The following USO1 variants were observed in gnomAD, a reference collection of about 807,000 sequenced individuals.
USO1 encodes the protein general vesicular transport factor p115.
Under a neutral mutation model 124.5 loss-of-function variants are expected in USO1, and 57 were observed. The ratio of observed to expected loss-of-function variants is 0.46; its 90% CI spans 0.37 to 0.57. The LOEUF (loss-of-function observed/expected upper bound fraction) is 0.57, where lower values mean the gene tolerates loss of function less well. USO1 is among the 20% of genes least tolerant of loss of function. USO1 has a pLI of 0.00. For missense variants in USO1, 900 were observed against 1,040.6 expected, an observed-to-expected ratio of 0.86 and a Z score of 1.86; for synonymous variants, 369 against 362.8, an observed-to-expected ratio of 1.02 and a Z score of -0.19.
intron 1 of USO1, among the ~76,000 whole-genome samples, chr4:75,731,718 A>T (rs923409449): frequency 5.3e-5 from 8 of 152,314 alleles, no homozygotes; most frequent in Admixed American, 3.3e-4. Context: ...TCAAGGTAAG[A>T]TTATATCATA....
At chr4:75,726,186 C>T (rs980809994) in intron 1 of USO1, among the ~76,000 whole-genome samples, 3 of 148,390 alleles carry the variant, frequency 2.0e-5, no homozygotes, top group Non-Finnish European at 4.4e-5. Flanking sequence ...AAGGCTGAGG[C>T]AGGAGAATCG....
intron 7 of USO1, among the ~76,000 whole-genome samples, chr4:75,773,208 GAC>G (rs1183530494): frequency 1.3e-5 from 2 of 152,088 alleles, no homozygotes; most frequent in African/African-American, 4.8e-5. Context: ...ATTTGAGACA[GAC>G]AAATAAGTGT....
At position 75,800,322 on chromosome 4, in the gene USO1, A is replaced by G. The variant is rs536311131; in HGVS notation, c.1564-29A>G. 3.6e-5 allele frequency: 55 copies of G among 1,548,052 alleles called. 1 individual carries two copies. Among genetic ancestry groups the G allele is most frequent in the Middle Eastern group, 1.7e-4 (1 of 5,910 alleles). Reference sequence around the variant, plus strand: ...TTGCAAAATGTACTAGATATTTTCAATCCTTAGCCTCCTTAACAAAGATTT... The same window carrying G: ...TTGCAAAATGTACTAGATATTTTCAGTCCTTAGCCTCCTTAACAAAGATTT... On this transcript the variant is annotated intron_variant, in intron 14 of 23. Transcript: ENST00000514213.
At chr4:75,748,347 C>T (rs752888588) in intron 1 of USO1, among the ~76,000 whole-genome samples, 12 of 151,458 alleles carry the variant, frequency 7.9e-5, no homozygotes, top group Non-Finnish European at 1.6e-4. Flanking sequence ...CATGACCATG[C>T]CTGGCTAATT....
intron 4 of USO1, among the ~76,000 whole-genome samples, chr4:75,767,968 C>T (rs1264195964): frequency 6.6e-6 from 1 of 152,112 alleles, no homozygotes; most frequent in Non-Finnish European, 1.5e-5. Flanking sequence ...CCTTCTAATA[C>T]AAGAACACAG....
intron 22 of USO1, among the ~76,000 whole-genome samples, chr4:75,811,752 T>C (rs1476335309): frequency 6.6e-6 from 1 of 152,232 alleles, no homozygotes; most frequent in Non-Finnish European, 1.5e-5. Context: ...CATTTAATTG[T>C]ATGCTTGAAG....
intron 3 of USO1, among the ~76,000 whole-genome samples, chr4:75,753,059 A>C (rs1411154071): frequency 6.6e-6 from 1 of 152,176 alleles, no homozygotes; most frequent in Non-Finnish European, 1.5e-5. Flanking sequence ...TTTGGTATTC[A>C]GACTTGCTTT....
rs1723221311 is a variant in USO1 at position 75,813,961 on chromosome 4, G to C, written c.*666G>C. 6.6e-6 allele frequency: 1 copy of C among 152,148 alleles called. No individual in the cohort carries two copies. The highest frequency in any genetic ancestry group is 1.5e-5 in the Non-Finnish European group (1 of 68,024). 9.4% of individuals were successfully genotyped at this position (152,148 alleles called of 1,614,324 possible). A position where few individuals can be genotyped will look rare whatever the true frequency, so the allele number is the denominator to read the frequency against. On this transcript the variant is annotated 3_prime_UTR_variant, in exon 24 of 24. Coordinates refer to ENST00000514213, the MANE Select transcript of USO1 (RefSeq NM_003715.4). ...TTGCAACAGTGTATTAATGTGATTG[G>C]TTTTCTTTTTGTTTTAAGCTAAACA...
intron 4 of USO1, among the ~76,000 whole-genome samples, chr4:75,762,923 G>A (rs1022204013): frequency 2.6e-5 from 4 of 152,140 alleles, no homozygotes; most frequent in Admixed American, 2.0e-4. Context: ...GCGAGACTCC[G>A]TCTCAAAACA....
intron 4 of USO1, among the ~76,000 whole-genome samples, chr4:75,768,218 G>A (rs188726978): frequency 6.6e-6 from 1 of 152,196 alleles, no homozygotes; most frequent in East Asian, 1.9e-4. Context: ...TTCTCACTAT[G>A]TTGCCCAGGC....
rs768418974 is a variant in USO1 at position 75,724,774 on chromosome 4, C to CA, written c.-46_-45insA. 2.8e-5 allele frequency: 44 copies of CA among 1,582,464 alleles called. No homozygotes were observed. The highest frequency in any genetic ancestry group is 4.0e-5 in the African/African-American group (3 of 74,148). On this transcript the variant is annotated 5_prime_UTR_variant, in exon 1 of 24. Transcript: ENST00000514213. ...TGCGGAGGGCGGGGGAAGTTGTCTT[C>CA]TTTTTTTTCCGGAGGGGCCGGTAAA...
chr4:75,771,238 C>G, intron 7 of USO1, 101 bp downstream of exon 7: 1 of 1,322,258 alleles, frequency 7.6e-7, no homozygotes, highest in Non-Finnish European at 1.0e-6. Context: ...ATTTAGAAAG[C>G]TGGAGTAATG....
chr4:75,774,667 T>A lies in USO1; in HGVS notation c.556-9T>A, dbSNP rs1560449353. ...GTACTCCACTAAACATTCTCTTTCT[T>A]CTCTATAGGGCGTCTTACTACTGCA... On this transcript the variant is annotated splice_polypyrimidine_tract_variant and intron_variant, in intron 7 of 23. Coordinates refer to ENST00000514213, the MANE Select transcript of USO1 (RefSeq NM_003715.4). 6.3e-7 allele frequency: 1 copy of A among 1,595,336 alleles called. No individual in the cohort carries two copies. Among genetic ancestry groups the A allele is most frequent in the Non-Finnish European group, 8.5e-7 (1 of 1,173,748 alleles).
chr4:75,759,832 C>G (rs1414319193), intron 4 of USO1, among the ~76,000 whole-genome samples: 1 of 151,754 alleles, frequency 6.6e-6, no homozygotes. Flanking sequence ...TCACTTGAAC[C>G]TGGGAGGCAG....
chr4:75,760,324 A>C (rs776219344), intron 4 of USO1, among the ~76,000 whole-genome samples: 35 of 152,258 alleles, frequency 2.3e-4, no homozygotes, highest in Non-Finnish European at 4.7e-4. Flanking sequence ...CTTAGCTGAC[A>C]CAATGAACTA....
At chr4:75,726,567 C>CAA (rs34164088) in intron 1 of USO1, among the ~76,000 whole-genome samples, 2,193 of 143,068 alleles carry the variant, frequency 0.015, 16 homozygotes, top group African/African-American at 0.022. Context: ...GACTCCATCT[C>CAA]AAAAAAAAAA....
intron 4 of USO1, among the ~76,000 whole-genome samples, chr4:75,765,024 T>G (rs1721728408): frequency 6.6e-6 from 1 of 152,226 alleles, no homozygotes; most frequent in Non-Finnish European, 1.5e-5. Context: ...CATTCTCTGC[T>G]ATCTTCACAC....
At chr4:75,783,916 T>C (rs1268695321) in intron 9 of USO1, among the ~76,000 whole-genome samples, 2 of 152,264 alleles carry the variant, frequency 1.3e-5, no homozygotes, top group Non-Finnish European at 2.9e-5. Flanking sequence ...CATTTCTGTT[T>C]TCAAATGTTG....
chr4:75,809,010 C>G lies in USO1; in HGVS notation c.2434C>G (p.Gln812Glu). The G allele has an allele frequency of 6.2e-7, 1 of 1,604,978 alleles. No homozygotes were observed. Among genetic ancestry groups the G allele is most frequent in the Non-Finnish European group, 8.5e-7 (1 of 1,175,946 alleles). Residue 812 changes from glutamine (Q) to glutamate (E), a missense_variant, in exon 21 of 24, where the codon CAG (glutamine) becomes GAG (glutamate). Gln to Glu is a conservative substitution (Grantham distance 29). This residue lies in a region of USO1 where 362 missense variants were observed against 359.0 expected (regional missense o/e 1.01). Transcript: ENST00000514213. ...NSQSVEITKL[Q>E]TEKQELLQKT... Reference sequence around the variant, plus strand: ...ACAATCTGTGGAGATCACCAAACTACAGACAGAAAAGCAGGAACTGTTACA... The same window carrying G: ...ACAATCTGTGGAGATCACCAAACTAGAGACAGAAAAGCAGGAACTGTTACA...
Sources: allele counts gnomAD v4.1 joint callset (sites outside exome capture counted in the v4.1 genomes callset), GRCh38; gene constraint gnomAD v4.1.1; regional missense constraint gnomAD v4.1.1; transcripts MANE v1.5; gene names NCBI Gene and HGNC (gene_info 2026-07-23, HGNC 2026-07-21).